TASP1: variants seen among roughly 807,000 people sequenced by gnomAD.
The protein encoded by TASP1 is taspase 1.
TASP1 carries 16 observed loss-of-function variants against 56.6 expected under a neutral mutation model. The ratio of observed to expected loss-of-function variants is 0.28; its 90% CI spans 0.19 to 0.43. The LOEUF (loss-of-function observed/expected upper bound fraction) is 0.43, where lower values mean the gene tolerates loss of function less well. Ranked by LOEUF, TASP1 falls within the 20% of genes least tolerant of loss-of-function variation. TASP1 has a pLI of 1.00. For missense variants in TASP1, 393 were observed against 511.6 expected, an observed-to-expected ratio of 0.77 and a Z score of 2.24; for synonymous variants, 179 against 184.2, an observed-to-expected ratio of 0.97 and a Z score of 0.23.
intron 1 of TASP1, 122 bp from the exon 2 acceptor site, chr20:13,630,274 C>T (rs6033778): frequency 0.21 from 111,361 of 521,572 alleles, 14,787 homozygotes; most frequent in African/African-American, 0.51. Flanking sequence ...TTGAGCAATA[C>T]AAAAAAGGTA....
Position 13,390,254 on chromosome 20 carries a change from T to C in TASP1, c.*106A>G. 1 of 1,033,612 alleles carries C rather than the reference T, an allele frequency of 9.7e-7. No individual in the cohort carries two copies. The highest frequency in any genetic ancestry group is 1.4e-6 in the Non-Finnish European group (1 of 694,884). 64.0% of individuals were successfully genotyped at this position (1,033,612 alleles called of 1,614,324 possible). A position where few individuals can be genotyped will look rare whatever the true frequency, so the allele number is the denominator to read the frequency against. On this transcript the variant is annotated 3_prime_UTR_variant, in exon 14 of 14. Coordinates refer to ENST00000337743, the MANE Select transcript of TASP1 (RefSeq NM_017714.3). Reference sequence around the variant, plus strand: ...TCTCGAGCAGTGCACGAGGTTGCAATAGGAATTATAAAACAAGAAAGATAA... The same window carrying C: ...TCTCGAGCAGTGCACGAGGTTGCAACAGGAATTATAAAACAAGAAAGATAA...
the TASP1 span, among the ~76,000 whole-genome samples, chr20:13,344,620 T>A: frequency 6.6e-6 from 1 of 152,160 alleles, no homozygotes. Flanking sequence ...TTTGATAACA[T>A]CCTATCTCCT....
chr20:13,261,457 G>T, the TASP1 span, among the ~76,000 whole-genome samples: 4 of 151,510 alleles, frequency 2.6e-5, no homozygotes, highest in African/African-American at 9.7e-5. Context: ...GAAGCTCAAA[G>T]AGTGTGGAAG....
chr20:13,301,224 T>C, the TASP1 span, among the ~76,000 whole-genome samples: 1 of 152,198 alleles, frequency 6.6e-6, no homozygotes, highest in African/African-American at 2.4e-5. Context: ...AGTCTCACTC[T>C]GTCCCCCAAG....
the TASP1 span, among the ~76,000 whole-genome samples, chr20:13,154,488 A>T: frequency 1.8e-4 from 27 of 152,262 alleles, no homozygotes; most frequent in East Asian, 5.2e-3. Context: ...ATCTCTCCCC[A>T]TATTACCATA....
the TASP1 span, among the ~76,000 whole-genome samples, chr20:13,283,261 G>A: frequency 6.6e-6 from 1 of 152,082 alleles, no homozygotes; most frequent in Non-Finnish European, 1.5e-5. Context: ...ATTGTGTGCT[G>A]TTGTGGAGGA....
the TASP1 span, among the ~76,000 whole-genome samples, chr20:13,261,539 A>G: frequency 1.3e-5 from 2 of 152,296 alleles, no homozygotes; most frequent in South Asian, 4.1e-4. Context: ...GTCTACCATA[A>G]GTGCAGAGGT....
At chr20:13,372,319 G>C in the TASP1 span, among the ~76,000 whole-genome samples, 370 of 152,260 alleles carry the variant, frequency 2.4e-3, 1 homozygote, top group African/African-American at 8.7e-3. Context: ...TTCTCCAGCA[G>C]ATCACCTTCA....
chr20:13,518,184 A>G (rs2044608290), intron 10 of TASP1, among the ~76,000 whole-genome samples: 1 of 152,112 alleles, frequency 6.6e-6, no homozygotes, highest in Admixed American at 6.6e-5. Flanking sequence ...GACAAAAATT[A>G]TGAAGGTTTA....
the TASP1 span, among the ~76,000 whole-genome samples, chr20:13,169,689 A>T: frequency 2.0e-5 from 3 of 152,116 alleles, no homozygotes; most frequent in African/African-American, 7.2e-5. Context: ...CATTTTTTTT[A>T]AAGTTTTATA....
chr20:13,156,388 C>A, the TASP1 span, among the ~76,000 whole-genome samples: 1 of 152,148 alleles, frequency 6.6e-6, no homozygotes, highest in Non-Finnish European at 1.5e-5. Context: ...AGAATTCACA[C>A]AATATGCTAT....
chr20:13,250,381 G>A, the TASP1 span, among the ~76,000 whole-genome samples: 63 of 151,690 alleles, frequency 4.2e-4, no homozygotes, highest in South Asian at 8.7e-3. Flanking sequence ...AATTTCACAC[G>A]TACTGAAGAC....
chr20:13,622,953 T>C (rs936025473), intron 4 of TASP1, among the ~76,000 whole-genome samples: 6 of 152,096 alleles, frequency 3.9e-5, no homozygotes, highest in Admixed American at 3.9e-4. Flanking sequence ...CACTCAATTA[T>C]TCGATGTCCA....
At chr20:13,513,632 C>T (rs879796581) in intron 10 of TASP1, among the ~76,000 whole-genome samples, 6 of 152,096 alleles carry the variant, frequency 3.9e-5, no homozygotes, top group Admixed American at 3.3e-4. Flanking sequence ...AAGTGAATGA[C>T]GGTAGCTAGG....
chr20:13,611,853 G>A (rs1402838873), intron 4 of TASP1, among the ~76,000 whole-genome samples: 1 of 152,156 alleles, frequency 6.6e-6, no homozygotes, highest in Non-Finnish European at 1.5e-5. Context: ...GCTTATATTA[G>A]TCTCCTCATT....
the TASP1 span, among the ~76,000 whole-genome samples, chr20:13,197,061 T>G: frequency 1.3e-5 from 2 of 152,332 alleles, no homozygotes; most frequent in Non-Finnish European, 2.9e-5. Flanking sequence ...AGAGCTCCCC[T>G]GTCTATAGTA....
chr20:13,572,880 T>C (rs2046769071), intron 6 of TASP1, among the ~76,000 whole-genome samples: 1 of 152,036 alleles, frequency 6.6e-6, no homozygotes, highest in African/African-American at 2.4e-5. Context: ...CTATAATCAG[T>C]CTAAAATGTG....
chr20:13,537,416 G>A (rs1444995340), intron 8 of TASP1, among the ~76,000 whole-genome samples: 1 of 152,120 alleles, frequency 6.6e-6, no homozygotes, highest in Non-Finnish European at 1.5e-5. Context: ...GGATGATGAA[G>A]TAATATTTAA....
At chr20:13,357,998 T>A in the TASP1 span, among the ~76,000 whole-genome samples, 2 of 152,144 alleles carry the variant, frequency 1.3e-5, no homozygotes, top group Non-Finnish European at 2.9e-5. Flanking sequence ...TGCCGCACCT[T>A]AACTGATGAA....
Sources: allele counts gnomAD v4.1 joint callset (sites outside exome capture counted in the v4.1 genomes callset), GRCh38; gene constraint gnomAD v4.1.1; transcripts MANE v1.5; gene names NCBI Gene and HGNC (gene_info 2026-07-23, HGNC 2026-07-21).